The following ASTN2 variants were observed in gnomAD, a reference collection of about 807,000 sequenced individuals.
ASTN2 encodes the protein astrotactin-2.
In ASTN2, 54 loss-of-function variants were observed where a neutral mutation model predicts 139.8. The observed-to-expected ratio is 0.39, with a 90% CI of 0.31 to 0.48. The LOEUF (loss-of-function observed/expected upper bound fraction) is 0.48, where lower values mean the gene tolerates loss of function less well. Among genes scored for constraint, ASTN2 ranks in the 20% least tolerant of loss-of-function variants. The probability of loss-of-function intolerance (pLI) is 0.95; values close to 1 mark genes in which losing one functional copy is unlikely to be tolerated. For missense variants in ASTN2, 1,565 were observed against 1,725.1 expected, an observed-to-expected ratio of 0.91 and a Z score of 1.64; for synonymous variants, 756 against 719.5, an observed-to-expected ratio of 1.05 and a Z score of -0.81.
At chr9:117,127,672 GTTTTTTTT>G (rs11427891) in intron 4 of ASTN2, among the ~76,000 whole-genome samples, 2 of 70,890 alleles carry the variant, frequency 2.8e-5, no homozygotes, top group Non-Finnish European at 2.5e-5. Flanking sequence ...TTTTGTTTTG[GTTTTTTTT>G]TTTTTTTTTT....
chr9:116,611,088 AT>A (rs1231570890), intron 19 of ASTN2: 1 of 147,550 alleles, frequency 6.8e-6, no homozygotes. Flanking sequence ...ATAAAAACAT[AT>A]TTTCTGACTA....
At chr9:117,154,135 G>A (rs1830383345) in intron 3 of ASTN2, among the ~76,000 whole-genome samples, 1 of 151,990 alleles carries the variant, frequency 6.6e-6, no homozygotes, top group Admixed American at 6.6e-5. Context: ...AGGGATGTTA[G>A]AGCAAAATTA....
At position 116,722,230 on chromosome 9, in the gene ASTN2, T is replaced by C. The variant is rs547388729; in HGVS notation, c.2806+3541A>G. On this transcript the variant is annotated intron_variant, in intron 16 of 22. Transcript: ENST00000313400. ...GGAACAGAGCCTATATCTTCTTTAT[T>C]TGGTGCCACAACATCTGACGCACAC... 2.6e-5 allele frequency among the ~76,000 whole-genome samples: 4 copies of C among 151,190 alleles called. No homozygotes were observed. The East Asian group carries it at 7.8e-4, about 29-fold the overall frequency.
intron 2 of ASTN2, among the ~76,000 whole-genome samples, chr9:117,218,384 C>T (rs999046003): frequency 1.3e-5 from 2 of 152,180 alleles, no homozygotes; most frequent in Admixed American, 1.3e-4. Flanking sequence ...AGTCACTGAC[C>T]ACGTGGTTTC....
intron 19 of ASTN2, among the ~76,000 whole-genome samples, chr9:116,492,484 A>T (rs1274753395): frequency 6.6e-6 from 1 of 152,210 alleles, no homozygotes; most frequent in Non-Finnish European, 1.5e-5. Context: ...AAAACTGAAG[A>T]TCAGAGAAGG....
chr9:116,968,025 A>G lies in ASTN2; in HGVS notation c.1889+7183T>C, dbSNP rs116511126. 5.7e-3 allele frequency among the ~76,000 whole-genome samples: 862 copies of G among 152,306 alleles called. 11 individuals are homozygous for G. Among genetic ancestry groups the G allele is most frequent in the African/African-American group, 0.02 (819 of 41,554 alleles). On this transcript the variant is annotated intron_variant, in intron 10 of 22. Transcript: ENST00000313400. ...ATTCCTACTGCTTCTAAAACTTCTC[A>G]TTCATTGAATATCAGTTACATGTAA...
chr9:117,164,235 A>G (rs1232296743), intron 3 of ASTN2, among the ~76,000 whole-genome samples: 1 of 152,108 alleles, frequency 6.6e-6, no homozygotes, highest in Non-Finnish European at 1.5e-5. Context: ...CCAGAAATTG[A>G]GAACAACATT....
chr9:116,788,274 A>C (rs1159832332), intron 13 of ASTN2, among the ~76,000 whole-genome samples: 2 of 152,166 alleles, frequency 1.3e-5, no homozygotes, highest in African/African-American at 2.4e-5. Flanking sequence ...CAGTGTGGTG[A>C]CCATCGTTAA....
At chr9:117,062,888 A>C (rs1839333568) in intron 5 of ASTN2, among the ~76,000 whole-genome samples, 1 of 152,250 alleles carries the variant, frequency 6.6e-6, no homozygotes, top group Non-Finnish European at 1.5e-5. Context: ...CCATATCAAT[A>C]CGCAGGAAGA....
At chr9:117,096,014 G>A (rs1291815238) in intron 5 of ASTN2, 30 bp downstream of exon 5, 1 of 1,590,716 alleles carries the variant, frequency 6.3e-7, no homozygotes, top group Non-Finnish European at 8.6e-7. Flanking sequence ...TACAAACTCT[G>A]GTTCTGGAAC....
intron 10 of ASTN2, among the ~76,000 whole-genome samples, chr9:116,922,966 G>A (rs1454470348): frequency 1.3e-5 from 2 of 152,196 alleles, no homozygotes; most frequent in Non-Finnish European, 2.9e-5. Flanking sequence ...TTATAGGGCA[G>A]AGGTGGTGCA....
At chr9:117,062,461 G>A (rs759106456) in intron 5 of ASTN2, among the ~76,000 whole-genome samples, 1 of 152,194 alleles carries the variant, frequency 6.6e-6, no homozygotes, top group South Asian at 2.1e-4. Flanking sequence ...TGGGCCCTGT[G>A]TAAGACCTAC....
At chr9:117,412,452 G>A (rs1033053894) in intron 1 of ASTN2, among the ~76,000 whole-genome samples, 4 of 152,144 alleles carry the variant, frequency 2.6e-5, no homozygotes, top group Non-Finnish European at 5.9e-5. Flanking sequence ...CTAATTCCTC[G>A]CTCAGGTCCT....
chr9:117,123,305 A>C (rs956045206), intron 4 of ASTN2, among the ~76,000 whole-genome samples: 1 of 151,950 alleles, frequency 6.6e-6, no homozygotes, highest in Non-Finnish European at 1.5e-5. Context: ...GTGCTCAAGC[A>C]GAAGGCTTCC....
chr9:116,616,552 G>A (rs184961816), intron 19 of ASTN2, among the ~76,000 whole-genome samples: 1 of 152,246 alleles, frequency 6.6e-6, no homozygotes, highest in East Asian at 1.9e-4. Context: ...ACGTCTTTGG[G>A]ATTTACTTAC....
intron 2 of ASTN2, among the ~76,000 whole-genome samples, chr9:117,244,586 G>GA (rs113174757): frequency 0.011 from 142 of 12,446 alleles, no homozygotes; most frequent in Middle Eastern, 0.17. Flanking sequence ...AGGGAGGGAG[G>GA]GAGGGAGGGA....
Position 117,007,985 on chromosome 9 carries a change from C to T in ASTN2, c.1591+107G>A. ...ATTGATGGGCCTTCTTATTCAGCCACTTGTCAATGGCTCAGAATCCATGGT... is the reference window on the plus strand; with the variant it reads ...ATTGATGGGCCTTCTTATTCAGCCATTTGTCAATGGCTCAGAATCCATGGT... On this transcript the variant is annotated intron_variant, in intron 7 of 22. Coordinates refer to ENST00000313400, the MANE Select transcript of ASTN2 (RefSeq NM_001365068.1). 4.8e-6 allele frequency: 6 copies of T among 1,250,386 alleles called. No individual in the cohort carries two copies. In the South Asian group the frequency reaches 1.2e-4, roughly 26 times the overall value. 77.5% of individuals were successfully genotyped at this position (1,250,386 alleles called of 1,614,324 possible).
At chr9:116,702,750 G>T (rs1827864303) in intron 16 of ASTN2, among the ~76,000 whole-genome samples, 1 of 152,106 alleles carries the variant, frequency 6.6e-6, no homozygotes, top group African/African-American at 2.4e-5. Flanking sequence ...GGTTGGTTAA[G>T]CCCCTCCTCC....
chr9:117,219,300 A>G (rs1430256443), intron 2 of ASTN2, among the ~76,000 whole-genome samples: 1 of 152,146 alleles, frequency 6.6e-6, no homozygotes, highest in African/African-American at 2.4e-5. Flanking sequence ...GGAGCAATCG[A>G]CCAGTGCTCA....
Sources: allele counts gnomAD v4.1 joint callset (sites outside exome capture counted in the v4.1 genomes callset), GRCh38; gene constraint gnomAD v4.1.1; transcripts MANE v1.5; gene names NCBI Gene and HGNC (gene_info 2026-07-23, HGNC 2026-07-21).